The following CCDC102B variants were observed in gnomAD, a reference collection of about 807,000 sequenced individuals.
CCDC102B encodes coiled-coil domain-containing protein 102B.
A neutral mutation model predicts 57.4 loss-of-function variants in CCDC102B; 75 were observed. The ratio of observed to expected loss-of-function variants is 1.31; its 90% CI spans 1.08 to 1.58. The LOEUF is 1.58. Among genes scored for constraint, CCDC102B ranks in the 40% most tolerant of loss-of-function variants. The probability of loss-of-function intolerance (pLI) is 0.00; values close to 1 mark genes in which losing one functional copy is unlikely to be tolerated. For synonymous variants in CCDC102B, 206 were observed against 201.9 expected, an observed-to-expected ratio of 1.02 and a Z score of -0.17; for missense variants, 636 against 582.6, an observed-to-expected ratio of 1.09 and a Z score of -0.94.
rs183379101 is a variant in CCDC102B, at chr18:68,751,185, T to G, written c.-67+34591T>G. On this transcript the variant is annotated intron_variant, in intron 2 of 3. Coordinates refer to the CCDC102B transcript ENST00000578970. ...AGATTTATGTTCTATAAAGCCACTGTGAATACTGGATTAGTTAATACTGAA... is the reference window on the plus strand; with the variant it reads ...AGATTTATGTTCTATAAAGCCACTGGGAATACTGGATTAGTTAATACTGAA... 4.2e-3 allele frequency among the ~76,000 whole-genome samples: 642 copies of G among 152,346 alleles called. 1 individual carries two copies. The highest frequency in any genetic ancestry group is 0.015 in the African/African-American group (618 of 41,588).
At position 69,010,797 on chromosome 18, in the gene CCDC102B, G is replaced by A. The variant is rs562991672; in HGVS notation, c.1264-137G>A. 166 of 580,250 alleles carry A rather than the reference G, an allele frequency of 2.9e-4. 2 individuals carry two copies. The South Asian group carries it at 4.9e-3, about 17-fold the overall frequency. 35.9% of individuals were successfully genotyped at this position (580,250 alleles called of 1,614,324 possible). On this transcript the variant is annotated intron_variant, in intron 6 of 7. Coordinates refer to ENST00000360242, the MANE Select transcript of CCDC102B (RefSeq NM_024781.3). ...AATTATAATATCTGATTACAGAAAT[G>A]TAGAATTGCAAATGAAGATGATGGC...
At chr18:68,748,214 G>A (rs371484134) in intron 2 of CCDC102B, among the ~76,000 whole-genome samples, 3,192 of 48,704 alleles carry the variant, frequency 0.066, 85 homozygotes, top group African/African-American at 0.11. Flanking sequence ...TGGTGTGTGT[G>A]TGTGTGTGTG....
chr18:68,777,903 C>T (rs191859782), intron 2 of CCDC102B, among the ~76,000 whole-genome samples: 13 of 152,040 alleles, frequency 8.6e-5, no homozygotes, highest in Admixed American at 6.6e-4. Flanking sequence ...AAATTTTCTT[C>T]GATTTTTAAA....
At chr18:68,774,317 A>G (rs904636700) in intron 2 of CCDC102B, among the ~76,000 whole-genome samples, 2 of 151,502 alleles carry the variant, frequency 1.3e-5, no homozygotes, top group South Asian at 2.1e-4. Flanking sequence ...TAATAATTAT[A>G]TATGTATTTA....
chr18:69,054,218 G>T lies in CCDC102B; in HGVS notation c.*81G>T. The T allele has an allele frequency of 7.1e-7, 1 of 1,417,644 alleles. No individual in the cohort carries two copies. Among genetic ancestry groups the T allele is most frequent in the Non-Finnish European group, 9.2e-7 (1 of 1,086,978 alleles). The allele number at this position is 1,417,644 out of a possible 1,614,324, so 87.8% of individuals were successfully genotyped here. A position where few individuals can be genotyped will look rare whatever the true frequency, so the allele number is the denominator to read the frequency against. On this transcript the variant is annotated 3_prime_UTR_variant, in exon 8 of 8. Coordinates refer to ENST00000360242, the MANE Select transcript of CCDC102B (RefSeq NM_024781.3). ...CCTTTTCTTAAATATCAGTAAAATT[G>T]TTTTTATTAACTAGAAATATTAATG...
chr18:68,879,042 A>G (rs2039568468), intron 5 of CCDC102B, among the ~76,000 whole-genome samples: 1 of 151,400 alleles, frequency 6.6e-6, no homozygotes, highest in South Asian at 2.1e-4. Flanking sequence ...CTGGCTCAGG[A>G]GTGAAGCTGC....
chr18:68,999,017 G>T (rs1314766585), intron 6 of CCDC102B, among the ~76,000 whole-genome samples: 4 of 149,236 alleles, frequency 2.7e-5, no homozygotes, highest in South Asian at 2.1e-4. Context: ...GAGAGAGAGA[G>T]AGAGAGAGAG....
At chr18:68,860,118 A>G (rs1195260336) in intron 4 of CCDC102B, among the ~76,000 whole-genome samples, 1 of 68,482 alleles carries the variant, frequency 1.5e-5, no homozygotes, top group African/African-American at 4.0e-5. Flanking sequence ...AATACTATGC[A>G]GCCATAAAAA....
chr18:69,015,559 T>C (rs1175772158), intron 7 of CCDC102B, among the ~76,000 whole-genome samples: 1 of 152,206 alleles, frequency 6.6e-6, no homozygotes, highest in East Asian at 1.9e-4. Flanking sequence ...AGTGTTTAAC[T>C]GGAACCATCA....
At chr18:68,847,571 A>G (rs2037929719) in intron 4 of CCDC102B, among the ~76,000 whole-genome samples, 1 of 151,940 alleles carries the variant, frequency 6.6e-6, no homozygotes, top group Non-Finnish European at 1.5e-5. Context: ...TTAAAAAGCA[A>G]TATGTGTATC....
chr18:68,738,993 C>CTTATTTT (rs1555695902), intron 2 of CCDC102B, among the ~76,000 whole-genome samples: 3,605 of 144,964 alleles, frequency 0.025, 98 homozygotes, highest in African/African-American at 0.06. Context: ...GATGAGCAGC[C>CTTATTTT]TTTTGTTTTT....
At chr18:69,032,828 T>C (rs1377153480) in intron 7 of CCDC102B, among the ~76,000 whole-genome samples, 2 of 152,054 alleles carry the variant, frequency 1.3e-5, no homozygotes, top group Admixed American at 1.3e-4. Context: ...ACCAGCTTTG[T>C]AGGATATCAA....
intron 6 of CCDC102B, among the ~76,000 whole-genome samples, chr18:68,955,974 T>A (rs901632342): frequency 6.6e-6 from 1 of 152,040 alleles, no homozygotes; most frequent in Non-Finnish European, 1.5e-5. Context: ...TTGACTGCAG[T>A]CACCCTTTTG....
chr18:68,809,198 A>G (rs2036152742), intron 1 of CCDC102B, among the ~76,000 whole-genome samples: 1 of 152,170 alleles, frequency 6.6e-6, no homozygotes, highest in South Asian at 2.1e-4. Context: ...TGTGCTTTGA[A>G]CATGTTACCA....
At chr18:69,014,235 T>C (rs757292161) in intron 7 of CCDC102B, among the ~76,000 whole-genome samples, 3 of 152,192 alleles carry the variant, frequency 2.0e-5, no homozygotes, top group Non-Finnish European at 2.9e-5. Context: ...TTCTCAAGAT[T>C]AACATAATCC....
At chr18:68,848,062 A>G (rs1401609480) in intron 4 of CCDC102B, among the ~76,000 whole-genome samples, 1 of 151,858 alleles carries the variant, frequency 6.6e-6, no homozygotes, top group African/African-American at 2.4e-5. Flanking sequence ...TAAACAAACA[A>G]TACTACTTAG....
intron 2 of CCDC102B, among the ~76,000 whole-genome samples, chr18:68,736,861 A>C (rs2033153325): frequency 6.6e-6 from 1 of 152,078 alleles, no homozygotes; most frequent in Non-Finnish European, 1.5e-5. Flanking sequence ...GGACACAGCC[A>C]AACCATATCA....
rs535493517 is a variant in CCDC102B at position 68,752,199 on chromosome 18, G to T, written c.-67+35605G>T. Reference sequence around the variant, plus strand: ...CAGTGGAACCCGGGAAGCAGAGGTTGCAGTGAGCCAAGATCGCGCCACTGC... The same window carrying T: ...CAGTGGAACCCGGGAAGCAGAGGTTTCAGTGAGCCAAGATCGCGCCACTGC... On this transcript the variant is annotated intron_variant, in intron 2 of 3. Transcript: ENST00000578970. 2.0e-5 allele frequency among the ~76,000 whole-genome samples: 3 copies of T among 152,224 alleles called. No homozygotes were observed. The South Asian group carries it at 6.2e-4, about 32-fold the overall frequency.
At chr18:68,777,112 C>A (rs955429250) in intron 2 of CCDC102B, among the ~76,000 whole-genome samples, 1 of 152,112 alleles carries the variant, frequency 6.6e-6, no homozygotes, top group Admixed American at 6.5e-5. Context: ...TTGCTGAGAA[C>A]TTTTTGATTA....
Sources: allele counts gnomAD v4.1 joint callset (sites outside exome capture counted in the v4.1 genomes callset), GRCh38; gene constraint gnomAD v4.1.1; transcripts MANE v1.5; gene names NCBI Gene and HGNC (gene_info 2026-07-23, HGNC 2026-07-21).